DIS3L2: variants seen among roughly 807,000 people sequenced by gnomAD.
DIS3L2 encodes the protein DIS3-like exonuclease 2.
A neutral mutation model predicts 97.5 loss-of-function variants in DIS3L2; 34 were observed. The observed-to-expected ratio is 0.35, with a 90% CI of 0.27 to 0.46. DIS3L2 has a LOEUF of 0.46. Among genes scored for constraint, DIS3L2 ranks in the 20% least tolerant of loss-of-function variants. The pLI is 1.00. For synonymous variants in DIS3L2, 435 were observed against 445.2 expected, an observed-to-expected ratio of 0.98 and a Z score of 0.29; for missense variants, 1,038 against 1,146.0, an observed-to-expected ratio of 0.91 and a Z score of 1.36.
chr2:232,175,201 C>T (rs1691118403), intron 9 of DIS3L2, among the ~76,000 whole-genome samples: 2 of 152,064 alleles, frequency 1.3e-5, no homozygotes, highest in Admixed American at 6.6e-5. Flanking sequence ...AAAGCTTTTC[C>T]TTCTAGTCCT....
At chr2:232,251,770 C>G (rs1030184440) in intron 12 of DIS3L2, among the ~76,000 whole-genome samples, 3 of 152,210 alleles carry the variant, frequency 2.0e-5, no homozygotes, top group African/African-American at 4.8e-5. Flanking sequence ...TGAAGCAAAG[C>G]TTTCTAATTT....
chr2:232,086,659 A>ACACATATATATATGTG (rs1553606034), intron 5 of DIS3L2, among the ~76,000 whole-genome samples: 1 of 92,494 alleles, frequency 1.1e-5, no homozygotes, highest in African/African-American at 4.4e-5. Flanking sequence ...ATATATATAT[A>ACACATATATATATGTG]TGTGTGTGTG....
At chr2:232,159,517 T>C (rs1690590386) in intron 8 of DIS3L2, among the ~76,000 whole-genome samples, 1 of 152,228 alleles carries the variant, frequency 6.6e-6, no homozygotes, top group South Asian at 2.1e-4. Flanking sequence ...CCAGGCATTA[T>C]GTAGTAGGAA....
chr2:232,238,124 G>A (rs904321809), intron 10 of DIS3L2, among the ~76,000 whole-genome samples: 3 of 152,144 alleles, frequency 2.0e-5, no homozygotes, highest in Non-Finnish European at 4.4e-5. Flanking sequence ...ATGGCCAGAG[G>A]GAATGGGAAG....
At chr2:232,274,687 G>T (rs1450922692) in intron 13 of DIS3L2, among the ~76,000 whole-genome samples, 1 of 152,188 alleles carries the variant, frequency 6.6e-6, no homozygotes, top group Admixed American at 6.5e-5. Flanking sequence ...TCATGGATCA[G>T]TAAGATTTCC....
In DIS3L2 at chr2:232,334,724, A is replaced by G. The variant is rs935260087; in HGVS notation, c.2383A>G (p.Ile795Val). Residue 795 changes from isoleucine to valine, a missense_variant, in exon 19 of 21, where the codon ATC becomes GTC. By Grantham distance (29) the Ile-to-Val change is conservative (BLOSUM62 3). Coordinates refer to ENST00000325385, the MANE Select transcript of DIS3L2 (RefSeq NM_152383.5). Reference sequence around the variant, plus strand: ...GCTGCGCTACGGCGTGCAGAAGCGCATCTACTGCAACGTGAGTGCCCTGGG... The same window carrying G: ...GCTGCGCTACGGCGTGCAGAAGCGCGTCTACTGCAACGTGAGTGCCCTGGG... The part of the protein sequence containing the change: ...LVLRYGVQKR[I>V]YCNALALRSH... 1.9e-6 allele frequency: 3 copies of G among 1,605,724 alleles called. No individual in the cohort carries two copies. The highest frequency in any genetic ancestry group is 2.5e-6 in the Non-Finnish European group (3 of 1,176,654).
chr2:232,206,161 A>G (rs1480762307), intron 9 of DIS3L2, among the ~76,000 whole-genome samples: 10 of 152,214 alleles, frequency 6.6e-5, no homozygotes, highest in Non-Finnish European at 4.4e-5. Context: ...CTGTCCCACA[A>G]AGAAGTGCCA....
At chr2:232,176,654 T>C (rs1691165640) in intron 9 of DIS3L2, among the ~76,000 whole-genome samples, 1 of 151,824 alleles carries the variant, frequency 6.6e-6, no homozygotes, top group Non-Finnish European at 1.5e-5. Flanking sequence ...AGTTGTGCAA[T>C]CTTGGCTCAC....
intron 5 of DIS3L2, among the ~76,000 whole-genome samples, chr2:232,068,815 A>C (rs1695926080): frequency 6.6e-6 from 1 of 151,638 alleles, no homozygotes; most frequent in Non-Finnish European, 1.5e-5. Context: ...GCTTATTTTT[A>C]ATTTTAATTT....
chr2:232,341,028 G>C (rs964377776), downstream of DIS3L2: 1 of 443,612 alleles, frequency 2.3e-6, no homozygotes, highest in African/African-American at 2.0e-5. Context: ...AAAGTTCCTA[G>C]AGAGCAAAAC....
intron 6 of DIS3L2, among the ~76,000 whole-genome samples, chr2:232,091,201 A>G (rs1248276308): frequency 6.6e-6 from 1 of 152,220 alleles, no homozygotes; most frequent in Non-Finnish European, 1.5e-5. Flanking sequence ...AAATGCGTAA[A>G]TGGCTTTAAA....
At chr2:232,086,766 G>A (rs1189529870) in intron 5 of DIS3L2, among the ~76,000 whole-genome samples, 6 of 149,082 alleles carry the variant, frequency 4.0e-5, no homozygotes, top group Admixed American at 2.0e-4. Flanking sequence ...TGCAAGCTCC[G>A]CCTCCTGGGT....
intron 9 of DIS3L2, among the ~76,000 whole-genome samples, chr2:232,202,610 G>A (rs146826513): frequency 8.5e-5 from 13 of 152,306 alleles, no homozygotes; most frequent in African/African-American, 3.1e-4. Flanking sequence ...CTGAGGACCC[G>A]AGGTTAGAAA....
At chr2:232,106,495 A>G (rs189896897) in intron 6 of DIS3L2, among the ~76,000 whole-genome samples, 39 of 152,316 alleles carry the variant, frequency 2.6e-4, no homozygotes, top group Non-Finnish European at 4.1e-4. Context: ...AAAGGGTTCA[A>G]TTCAACAAGA....
chr2:232,075,586 T>G (rs1696163260), intron 5 of DIS3L2, among the ~76,000 whole-genome samples: 1 of 152,186 alleles, frequency 6.6e-6, no homozygotes, highest in Non-Finnish European at 1.5e-5. Context: ...TCCAAGACAC[T>G]TCTAGTCTCC....
At chr2:232,193,525 T>C (rs948726147) in intron 9 of DIS3L2, among the ~76,000 whole-genome samples, 3 of 152,220 alleles carry the variant, frequency 2.0e-5, no homozygotes. Context: ...TTAAGGCACA[T>C]TGCCTTAACA....
intron 9 of DIS3L2, among the ~76,000 whole-genome samples, chr2:232,182,288 A>G (rs1001396522): frequency 5.9e-5 from 9 of 152,162 alleles, no homozygotes; most frequent in African/African-American, 2.2e-4. Flanking sequence ...TATTTTGGTC[A>G]GAGAACATAC....
At chr2:232,252,467 T>TTC (rs1337988428) in intron 12 of DIS3L2, among the ~76,000 whole-genome samples, 1 of 152,242 alleles carries the variant, frequency 6.6e-6, no homozygotes, top group Admixed American at 6.5e-5. Flanking sequence ...TCTCGTGGGC[T>TTC]TCTACATTCT....
At chr2:232,322,499 A>T (rs181819122) in intron 14 of DIS3L2, among the ~76,000 whole-genome samples, 1 of 152,182 alleles carries the variant, frequency 6.6e-6, no homozygotes, top group East Asian at 1.9e-4. Flanking sequence ...GGTGTGGGGG[A>T]CCAGTGAGGA....
Sources: allele counts gnomAD v4.1 joint callset (sites outside exome capture counted in the v4.1 genomes callset), GRCh38; gene constraint gnomAD v4.1.1; transcripts MANE v1.5; gene names NCBI Gene and HGNC (gene_info 2026-07-23, HGNC 2026-07-21).